FAM81A: variants seen among roughly 807,000 people sequenced by gnomAD.
FAM81A encodes protein FAM81A.
In FAM81A, 19 loss-of-function variants were observed where a neutral mutation model predicts 46.7. The observed-to-expected ratio is 0.41, with a 90% CI of 0.28 to 0.60. The LOEUF (loss-of-function observed/expected upper bound fraction) is 0.60. Among genes scored for constraint, FAM81A ranks in the 20% least tolerant of loss-of-function variants. FAM81A has a pLI of 0.34. For missense variants in FAM81A, 377 were observed against 453.5 expected (o/e 0.83, Z 1.53); for synonymous variants, 183 against 152.9 (o/e 1.20, Z -1.45).
chr15:59,500,952 A>G (rs1184897606), intron 4 of FAM81A, among the ~76,000 whole-genome samples: 7 of 152,044 alleles, frequency 4.6e-5, no homozygotes, highest in African/African-American at 9.6e-5. Flanking sequence ...TGCTCATTCT[A>G]TATTTATATT....
chr15:59,478,550 C>T (rs1348801882), intron 3 of FAM81A, among the ~76,000 whole-genome samples: 3 of 152,126 alleles, frequency 2.0e-5, no homozygotes, highest in South Asian at 4.1e-4. Context: ...GGACTTCATG[C>T]ATTTTACTGA....
chr15:59,439,718 A>T (rs1481954139), intron 1 of FAM81A, among the ~76,000 whole-genome samples: 1 of 152,186 alleles, frequency 6.6e-6, no homozygotes, highest in Non-Finnish European at 1.5e-5. Context: ...TTAATGTGTT[A>T]CATGTTAGAA....
chr15:59,519,500 TTC>T (rs1156588283), intron 8 of FAM81A, among the ~76,000 whole-genome samples: 1 of 134,130 alleles, frequency 7.5e-6, no homozygotes, highest in Non-Finnish European at 1.6e-5. Context: ...TCCTCCCTCC[TTC>T]TCTCTTTCTC....
intron 3 of FAM81A, among the ~76,000 whole-genome samples, chr15:59,465,675 T>A (rs2081603643): frequency 6.6e-6 from 1 of 152,108 alleles, no homozygotes. Context: ...ATCCTTTTTG[T>A]TTTCTTTCCT....
At position 59,475,150 on chromosome 15, in the gene FAM81A, C is replaced by CT. The variant is rs879399876; in HGVS notation, c.294+14956dup. Among the ~76,000 whole-genome samples, 197 of 145,574 alleles carry CT rather than the reference C, an allele frequency of 1.4e-3. 1 individual carries two copies. The highest frequency in any genetic ancestry group is 2.8e-3 in the African/African-American group (111 of 39,952). ...TTTTGATAATTATTTTTTCCAAAAC[C>CT]TTTTTTTTTTTTGAGACAAGGTCTC... On this transcript the variant is annotated intron_variant, in intron 3 of 8. Transcript: ENST00000288228.
chr15:59,456,504 G>A (rs2081486272), intron 1 of FAM81A, among the ~76,000 whole-genome samples: 1 of 152,096 alleles, frequency 6.6e-6, no homozygotes, highest in Admixed American at 6.5e-5. Flanking sequence ...TGCTACCCAG[G>A]AAAAATCGAC....
chr15:59,511,218 A>C (rs1439247905), intron 6 of FAM81A, among the ~76,000 whole-genome samples: 1 of 152,226 alleles, frequency 6.6e-6, no homozygotes, highest in Non-Finnish European at 1.5e-5. Flanking sequence ...AGTAATATTA[A>C]AGTCAGATTT....
intron 3 of FAM81A, among the ~76,000 whole-genome samples, chr15:59,475,804 G>T (rs1464705982): frequency 2.0e-5 from 3 of 152,192 alleles, no homozygotes; most frequent in Non-Finnish European, 4.4e-5. Context: ...TGATTTATAT[G>T]TATTATGAAC....
intron 1 of FAM81A, among the ~76,000 whole-genome samples, chr15:59,457,308 A>T (rs1357781698): frequency 6.6e-6 from 1 of 152,202 alleles, no homozygotes; most frequent in African/African-American, 2.4e-5. Flanking sequence ...TATCCACACC[A>T]TGTATACCTG....
chr15:59,476,979 G>A (rs1388078716), intron 3 of FAM81A, among the ~76,000 whole-genome samples: 6 of 151,634 alleles, frequency 4.0e-5, no homozygotes, highest in Admixed American at 2.0e-4. Context: ...AATTAGCTGG[G>A]TGTGGTGGCA....
At chr15:59,416,884 G>T (rs1392627825) in intron 2 of FAM81A, among the ~76,000 whole-genome samples, 3 of 152,094 alleles carry the variant, frequency 2.0e-5, no homozygotes, top group Non-Finnish European at 4.4e-5. Flanking sequence ...TGAACTTATG[G>T]TGACAAATTT....
At chr15:59,405,568 GAGGCAGGGGCTGC>G (rs752177348) in intron 2 of FAM81A, among the ~76,000 whole-genome samples, 35 of 152,202 alleles carry the variant, frequency 2.3e-4, no homozygotes, top group East Asian at 2.1e-3. Flanking sequence ...TTGAACCCTG[GAGGCAGGGGCTGC>G]AGTGAGCCGA....
At chr15:59,421,945 AC>A (rs1217093423) in intron 2 of FAM81A, among the ~76,000 whole-genome samples, 7 of 151,632 alleles carry the variant, frequency 4.6e-5, no homozygotes, top group Admixed American at 4.6e-4. Context: ...ATTTATATCC[AC>A]TTTAATTTGA....
intron 3 of FAM81A, among the ~76,000 whole-genome samples, chr15:59,476,685 G>A (rs2081773996): frequency 6.6e-6 from 1 of 152,060 alleles, no homozygotes; most frequent in Admixed American, 6.6e-5. Flanking sequence ...AGCTACTTGG[G>A]AGGCTGAGGA....
chr15:59,427,168 T>G (rs1422542511), intron 2 of FAM81A, among the ~76,000 whole-genome samples: 3 of 152,218 alleles, frequency 2.0e-5, no homozygotes, highest in Admixed American at 6.5e-5. Flanking sequence ...TGGAGTGCAG[T>G]GGCCTGATCT....
At chr15:59,491,779 T>C (rs2081984157) in intron 3 of FAM81A, among the ~76,000 whole-genome samples, 1 of 152,120 alleles carries the variant, frequency 6.6e-6, no homozygotes, top group Admixed American at 6.5e-5. Flanking sequence ...ACCCCATCTC[T>C]ACTAACACAA....
At chr15:59,489,264 C>G (rs964579283) in intron 3 of FAM81A, among the ~76,000 whole-genome samples, 2 of 126,502 alleles carry the variant, frequency 1.6e-5, no homozygotes, top group Non-Finnish European at 3.2e-5. Context: ...GACTCCATCT[C>G]AAATACATAC....
intron 6 of FAM81A, among the ~76,000 whole-genome samples, chr15:59,509,413 C>T (rs537860141): frequency 8.3e-4 from 126 of 152,288 alleles, no homozygotes; most frequent in African/African-American, 2.4e-3. Flanking sequence ...GTCCTAATCC[C>T]TGGAAGTTGC....
intron 1 of FAM81A, among the ~76,000 whole-genome samples, chr15:59,454,338 A>G (rs1260622377): frequency 1.3e-5 from 2 of 152,190 alleles, no homozygotes; most frequent in Non-Finnish European, 2.9e-5. Flanking sequence ...ATTTTAATTT[A>G]TTAAATTCAT....
Sources: gnomAD v4.1 joint callset for allele counts (sites outside exome capture counted in the v4.1 genomes callset) on GRCh38, gnomAD v4.1.1 for gene constraint, MANE v1.5 for transcripts, NCBI Gene and HGNC (gene_info 2026-07-23, HGNC 2026-07-21) for gene names.